Variants in CENPO observed in about 807,000 individuals in gnomAD.
CENPO encodes the protein centromeric protein O.
Under a neutral mutation model 36.1 loss-of-function variants are expected in CENPO, and 30 were observed. The ratio of observed to expected loss-of-function variants is 0.83; its 90% confidence interval spans 0.62 to 1.13. The LOEUF is 1.13. Ranked by LOEUF, CENPO falls within the 50% of genes most tolerant of loss-of-function variation. The pLI is 0.00. For synonymous variants in CENPO, 171 were observed against 142.3 expected (o/e 1.20, Z -1.44); for missense variants, 349 against 357.8 (o/e 0.98, Z 0.20).
In CENPO at chr2:24,816,734, G is replaced by T. The variant is rs1168452873; in HGVS notation, c.683G>T (p.Gly228Val). Residue 228 changes from glycine to valine, a missense_variant, in exon 6 of 8, where the codon GGT becomes GTT. By Grantham distance (109) the Gly-to-Val change is moderately radical. Coordinates refer to ENST00000380834, the MANE Select transcript of CENPO (RefSeq NM_001322101.2). ...TTTACTTACAAACTGGATCCAGGGG[G>T]TCAGTCCTTCCCGTTCTGTGCTAGA... is the stretch of plus-strand genomic sequence containing the variant. ...LSFTYKLDPG[G>V]QSFPFCARLL... 5 of 1,612,716 alleles carry T rather than the reference G, an allele frequency of 3.1e-6. No individual in the cohort carries two copies. Among genetic ancestry groups the T allele is most frequent in the African/African-American group, 2.7e-5 (2 of 74,888 alleles).
chr2:24,796,094 ACCTGTAATC>A (rs1489531509), intron 2 of CENPO, among the ~76,000 whole-genome samples: 1 of 151,530 alleles, frequency 6.6e-6, no homozygotes, highest in Admixed American at 6.6e-5. Context: ...GGTGGCTCAC[ACCTGTAATC>A]CCAGCACTTT....
chr2:24,811,157 C>G (rs944818007), intron 3 of CENPO, among the ~76,000 whole-genome samples: 3 of 151,968 alleles, frequency 2.0e-5, no homozygotes, highest in Non-Finnish European at 4.4e-5. Context: ...GTTGGCCAGG[C>G]TGGTCTTGAA....
Position 24,816,293 on chromosome 2 carries a change from T to C in CENPO, c.595-353T>C, listed in dbSNP as rs115327682. ...GCTTAGCATTTCCCCCTCTATGGATTTGGAGTAACTCTGAAGCTCTCAGCT... is the reference window on the plus strand; with the variant it reads ...GCTTAGCATTTCCCCCTCTATGGATCTGGAGTAACTCTGAAGCTCTCAGCT... On this transcript the variant is annotated intron_variant, in intron 5 of 7. Coordinates refer to ENST00000380834, the MANE Select transcript of CENPO (RefSeq NM_001322101.2). The C allele has an allele frequency of 2.5e-3, 513 of 208,506 alleles. 2 individuals are homozygous for C. The highest frequency in any genetic ancestry group is 0.011 in the African/African-American group (465 of 43,462). The allele number at this position is 208,506 out of a possible 1,614,324, so 12.9% of individuals were successfully genotyped here.
In CENPO at chr2:24,821,157, A is replaced by C. The variant is rs1441741363; in HGVS notation, c.*1839A>C. ...TCAGGAATGATACCCCCTCAGTAGA[A>C]GCAGCAGGTGATCTTAACTCCTTTC... On this transcript the variant is annotated 3_prime_UTR_variant, in exon 8 of 8. Transcript: ENST00000380834. 1 of 436,086 alleles carries C rather than the reference A, an allele frequency of 2.3e-6. No individual in the cohort carries two copies. The highest frequency in any genetic ancestry group is 3.9e-5 in the Admixed American group (1 of 25,378). 27.0% of individuals were successfully genotyped at this position (436,086 alleles called of 1,614,324 possible). A position where few individuals can be genotyped will look rare whatever the true frequency, so the allele number is the denominator to read the frequency against.
chr2:24,818,135 A>G (rs562822620), intron 7 of CENPO, among the ~76,000 whole-genome samples: 5 of 124,290 alleles, frequency 4.0e-5, no homozygotes, highest in Non-Finnish European at 8.3e-5. Context: ...TTATGGAAAA[A>G]TATCAAATTA....
intron 3 of CENPO, among the ~76,000 whole-genome samples, chr2:24,805,921 G>C (rs1666380028): frequency 6.6e-6 from 1 of 152,218 alleles, no homozygotes; most frequent in Non-Finnish European, 1.5e-5. Flanking sequence ...TGCCCCCAGA[G>C]GTGGAGTCTA....
At chr2:24,819,082 C>G (rs1429701144) in intron 7 of CENPO, 3 of 152,632 alleles carry the variant, frequency 2.0e-5, no homozygotes, top group African/African-American at 7.2e-5. Context: ...TCTTGCCTTC[C>G]AGGCCTGTGG....
intron 3 of CENPO, among the ~76,000 whole-genome samples, chr2:24,800,775 C>T (rs535081498): frequency 1.3e-3 from 191 of 152,116 alleles, no homozygotes; most frequent in African/African-American, 4.3e-3. Flanking sequence ...TGAATAGTGC[C>T]GCAGTAAACA....
At chr2:24,797,143 G>A (rs1228010441) in intron 2 of CENPO, among the ~76,000 whole-genome samples, 1 of 152,216 alleles carries the variant, frequency 6.6e-6, no homozygotes, top group East Asian at 1.9e-4. Context: ...CATTGCAGAT[G>A]GGGAAAATGG....
intron 5 of CENPO, 199 bp downstream of exon 5, chr2:24,815,955 G>A (rs777032967): frequency 1.1e-4 from 66 of 589,812 alleles, no homozygotes; most frequent in Non-Finnish European, 1.7e-4. Context: ...TGAAGCCTGG[G>A]TACTGGTTAA....
At chr2:24,796,783 T>C (rs1009993687) in intron 2 of CENPO, among the ~76,000 whole-genome samples, 1 of 152,118 alleles carries the variant, frequency 6.6e-6, no homozygotes, top group African/African-American at 2.4e-5. Context: ...CATTGAGTGC[T>C]AACGAGCTAG....
Position 24,817,466 on chromosome 2 carries a change from C to CAAAAAAAAAAAAAAAAAAAAAAAAA in CENPO, c.767-194_767-193insAAAAAAAAAAAAAAAAAAAAAAAAA, listed in dbSNP as rs57556645. On this transcript the variant is annotated intron_variant, in intron 6 of 7. Transcript: ENST00000380834. ...AGTAAGGGGCAGCCTTAGTCCAGAC[C>CAAAAAAAAAAAAAAAAAAAAAAAAA]AAAAAAAAAAGCTGTATGGGTCCAG... is the stretch of plus-strand genomic sequence containing the variant. Among the ~76,000 whole-genome samples the CAAAAAAAAAAAAAAAAAAAAAAAAA allele has an allele frequency of 4.5e-4, 50 of 110,042 alleles. 1 individual carries two copies. The highest frequency in any genetic ancestry group is 7.4e-4 in the African/African-American group (17 of 23,124). The allele number at this position is 110,042 out of a possible 152,430, so 72.2% of individuals were successfully genotyped here.
chr2:24,797,837 G>C (rs1339679694), intron 2 of CENPO, among the ~76,000 whole-genome samples: 1 of 152,184 alleles, frequency 6.6e-6, no homozygotes, highest in Non-Finnish European at 1.5e-5. Context: ...CAGCAACATG[G>C]ATATCACTGT....
chr2:24,794,703 G>A (rs1183592860), intron 2 of CENPO, among the ~76,000 whole-genome samples: 1 of 152,176 alleles, frequency 6.6e-6, no homozygotes, highest in African/African-American at 2.4e-5. Context: ...TTCTGTCCAG[G>A]AGTAAGTTGC....
chr2:24,814,904 A>C (rs1406898569), intron 4 of CENPO: 1 of 175,500 alleles, frequency 5.7e-6, no homozygotes, highest in African/African-American at 2.4e-5. Flanking sequence ...TGTGGGAAGA[A>C]CTGGGGACTC....
Position 24,819,880 on chromosome 2 carries a change from T to A in CENPO, c.*562T>A. 1 of 1,579,160 alleles carries A rather than the reference T, an allele frequency of 6.3e-7. No homozygotes were observed. Among genetic ancestry groups the A allele is most frequent in the Admixed American group, 1.8e-5 (1 of 55,748 alleles). On this transcript the variant is annotated 3_prime_UTR_variant, in exon 8 of 8. Transcript: ENST00000380834. ...AGGAAGGTCGGGACTTCCTTCAGTT[T>A]CAAAAAATAAATTCTCCCTTCCGGT...
In CENPO at chr2:24,810,255, T is replaced by C. The variant is rs1317126503; in HGVS notation, c.217-4121T>C. ...TTTTTTTATTATGAAATATTCCTTTTAATTTTAATTAAACTTCTTGCCTTA... is the reference window on the plus strand; with the variant it reads ...TTTTTTTATTATGAAATATTCCTTTCAATTTTAATTAAACTTCTTGCCTTA... On this transcript the variant is annotated intron_variant, in intron 3 of 7. Coordinates refer to ENST00000380834, the MANE Select transcript of CENPO (RefSeq NM_001322101.2). Among the ~76,000 whole-genome samples the C allele has an allele frequency of 2.6e-5, 4 of 152,024 alleles. No individual in the cohort carries two copies. In the South Asian group the frequency reaches 6.2e-4, roughly 24 times the overall value.
Position 24,820,209 on chromosome 2 carries a change from C to A in CENPO, c.*891C>A. The A allele has an allele frequency of 8.0e-7, 1 of 1,253,810 alleles. No homozygotes were observed. Among genetic ancestry groups the A allele is most frequent in the Non-Finnish European group, 1.1e-6 (1 of 924,028 alleles). 77.7% of individuals were successfully genotyped at this position (1,253,810 alleles called of 1,614,324 possible). A position where few individuals can be genotyped will look rare whatever the true frequency, so the allele number is the denominator to read the frequency against. On this transcript the variant is annotated 3_prime_UTR_variant, in exon 8 of 8. Coordinates refer to ENST00000380834, the MANE Select transcript of CENPO (RefSeq NM_001322101.2). ...TGGGTGGTTGGAGCCGAGCACTGAT[C>A]CATGGGTCCCAAGCAGTACGGGACA...
In CENPO at chr2:24,793,886, G is replaced by C; in HGVS notation, c.-34G>C. On this transcript the variant is annotated 5_prime_UTR_variant, in exon 2 of 8. It removes the in-frame stop codon of an upstream open reading frame in the 5' UTR. Transcript: ENST00000380834. ...TGGAGTCCCTATCACCGGTTGCCTA[G>C]ACAACTTCATGGGAAGGCCCTTGGG... 15 of 1,614,134 alleles carry C rather than the reference G, an allele frequency of 9.3e-6. No homozygotes were observed. Among genetic ancestry groups the C allele is most frequent in the Non-Finnish European group, 1.3e-5 (15 of 1,180,004 alleles).
Sources: gnomAD v4.1 joint callset for allele counts (sites outside exome capture counted in the v4.1 genomes callset) on GRCh38, gnomAD v4.1.1 for gene constraint, MANE v1.5 for transcripts, NCBI Gene and HGNC (gene_info 2026-07-23, HGNC 2026-07-21) for gene names.